The following PHACTR1 variants were observed in gnomAD, a reference collection of about 807,000 sequenced individuals.
PHACTR1 encodes the protein phosphatase and actin regulator 1.
Under a neutral mutation model 69.2 loss-of-function variants are expected in PHACTR1, and 16 were observed. The observed-to-expected ratio is 0.23, with a 90% confidence interval of 0.16 to 0.35. The LOEUF (loss-of-function observed/expected upper bound fraction) is 0.35, where lower values mean the gene tolerates loss of function less well. Ranked by LOEUF, PHACTR1 falls within the 10% of genes least tolerant of loss-of-function variation. PHACTR1 has a pLI of 1.00. For missense variants in PHACTR1, 510 were observed against 734.7 expected, an observed-to-expected ratio of 0.69 and a Z score of 3.54; for synonymous variants, 312 against 284.5, an observed-to-expected ratio of 1.10 and a Z score of -0.97.
At chr6:12,770,015 C>T (rs141436299) in intron 4 of PHACTR1, among the ~76,000 whole-genome samples, 10 of 152,298 alleles carry the variant, frequency 6.6e-5, no homozygotes, top group African/African-American at 2.2e-4. Flanking sequence ...AGTGTTTAGT[C>T]ACTTACAATT....
chr6:13,095,617 G>T (rs887175701), intron 5 of PHACTR1, among the ~76,000 whole-genome samples: 1 of 152,128 alleles, frequency 6.6e-6, no homozygotes, highest in African/African-American at 2.4e-5. Context: ...ACATAAATCT[G>T]CTCACAGCTG....
intron 4 of PHACTR1, among the ~76,000 whole-genome samples, chr6:12,750,455 G>A (rs1226436469): frequency 2.6e-5 from 4 of 151,278 alleles, no homozygotes; most frequent in East Asian, 1.9e-4. Context: ...GGAAGATAGG[G>A]AGGAAAGGAA....
At chr6:12,989,793 G>A (rs558887399) in intron 4 of PHACTR1, among the ~76,000 whole-genome samples, 24 of 152,314 alleles carry the variant, frequency 1.6e-4, no homozygotes, top group Non-Finnish European at 3.1e-4. Flanking sequence ...ACAGTGAAAG[G>A]GAGGCAATGT....
At chr6:12,846,271 G>T (rs567983332) in intron 4 of PHACTR1, among the ~76,000 whole-genome samples, 8 of 152,320 alleles carry the variant, frequency 5.3e-5, no homozygotes, top group Admixed American at 1.3e-4. Context: ...ATTGATAAAT[G>T]TTGATGGCTG....
chr6:12,849,060 C>G (rs1444808862), intron 4 of PHACTR1, among the ~76,000 whole-genome samples: 1 of 152,114 alleles, frequency 6.6e-6, no homozygotes, highest in Non-Finnish European at 1.5e-5. Flanking sequence ...CCTGATTCAT[C>G]TCACAGTGCA....
chr6:13,146,783 C>T (rs1485112684), intron 5 of PHACTR1, among the ~76,000 whole-genome samples: 2 of 152,122 alleles, frequency 1.3e-5, no homozygotes, highest in African/African-American at 2.4e-5. Flanking sequence ...ATTATACTTC[C>T]TACATCTGGA....
intron 4 of PHACTR1, among the ~76,000 whole-genome samples, chr6:13,020,460 G>A (rs938293588): frequency 2.0e-5 from 3 of 152,148 alleles, no homozygotes; most frequent in Non-Finnish European, 2.9e-5. Flanking sequence ...TGCTGTGACA[G>A]GCAGACTCAG....
chr6:12,743,075 G>A (rs1342785713), intron 3 of PHACTR1, among the ~76,000 whole-genome samples: 3 of 151,656 alleles, frequency 2.0e-5, no homozygotes, highest in African/African-American at 7.3e-5. Flanking sequence ...AGAATTTAGA[G>A]TATTAATCCA....
intron 4 of PHACTR1, among the ~76,000 whole-genome samples, chr6:13,011,581 C>T (rs181585259): frequency 2.0e-5 from 3 of 152,318 alleles, no homozygotes; most frequent in Admixed American, 2.0e-4. Flanking sequence ...AAGATAGAAA[C>T]ATACAGAGCC....
intron 4 of PHACTR1, among the ~76,000 whole-genome samples, chr6:12,804,565 C>T (rs778944747): frequency 6.6e-5 from 10 of 152,166 alleles, no homozygotes; most frequent in Admixed American, 3.3e-4. Flanking sequence ...CAGTGGCTCA[C>T]GCCTGTAACC....
At chr6:13,150,345 AAATAAT>A (rs919257036) in intron 5 of PHACTR1, among the ~76,000 whole-genome samples, 9 of 152,026 alleles carry the variant, frequency 5.9e-5, no homozygotes, top group Admixed American at 3.3e-4. Context: ...CTGCCTCAGA[AAATAAT>A]AATAATAATA....
chr6:13,023,161 T>C (rs1583010140), intron 4 of PHACTR1, among the ~76,000 whole-genome samples: 1 of 152,330 alleles, frequency 6.6e-6, no homozygotes, highest in East Asian at 1.9e-4. Context: ...ATTGCAGTGT[T>C]GGTCTTTTCA....
chr6:13,180,272 T>C (rs145573056), intron 6 of PHACTR1, among the ~76,000 whole-genome samples: 62 of 152,360 alleles, frequency 4.1e-4, no homozygotes, highest in African/African-American at 1.4e-3. Flanking sequence ...AGGAAATGTG[T>C]ATTTAGCAAT....
intron 4 of PHACTR1, among the ~76,000 whole-genome samples, chr6:12,844,771 C>G (rs1196636350): frequency 6.6e-6 from 1 of 151,938 alleles, no homozygotes; most frequent in Non-Finnish European, 1.5e-5. Context: ...GAAAAGCAAG[C>G]AAGCCAGCAG....
At chr6:13,158,196 T>C (rs555065834) in intron 5 of PHACTR1, among the ~76,000 whole-genome samples, 53 of 152,082 alleles carry the variant, frequency 3.5e-4, no homozygotes, top group Non-Finnish European at 5.9e-5. Context: ...AGCAGATCTT[T>C]TCAAATCAGG....
At chr6:13,132,147 G>T (rs935566282) in intron 5 of PHACTR1, among the ~76,000 whole-genome samples, 12 of 152,170 alleles carry the variant, frequency 7.9e-5, no homozygotes, top group African/African-American at 2.9e-4. Context: ...GAATCTTTCA[G>T]ATTTAGTAAC....
intron 4 of PHACTR1, among the ~76,000 whole-genome samples, chr6:12,848,451 G>A (rs932173211): frequency 5.9e-5 from 9 of 152,046 alleles, no homozygotes; most frequent in Admixed American, 3.9e-4. Flanking sequence ...ACTGAATCAA[G>A]GCGCCCATCT....
chr6:12,840,950 C>G lies in PHACTR1; in HGVS notation c.250+91160C>G, dbSNP rs1582029316. ...TGATTTTGTGGATGGCACGGTCACT[C>G]TCTCAGCCATGCTGGGGCACAACCT... On this transcript the variant is annotated intron_variant, in intron 4 of 14. Transcript: ENST00000332995. Among the ~76,000 whole-genome samples the G allele has an allele frequency of 2.0e-5, 3 of 152,232 alleles. No individual in the cohort carries two copies. In the East Asian group the frequency reaches 5.8e-4, roughly 29 times the overall value.
intron 4 of PHACTR1, among the ~76,000 whole-genome samples, chr6:12,945,877 C>T (rs1375472971): frequency 2.0e-5 from 3 of 151,778 alleles, no homozygotes; most frequent in Admixed American, 1.3e-4. Flanking sequence ...GGCAGGAGAA[C>T]TGCTTGAACC....
Sources: allele counts gnomAD v4.1 joint callset (sites outside exome capture counted in the v4.1 genomes callset), GRCh38; gene constraint gnomAD v4.1.1; transcripts MANE v1.5; gene names NCBI Gene and HGNC (gene_info 2026-07-23, HGNC 2026-07-21).